Variants in SLC7A6OS observed in about 807,000 individuals in gnomAD.
The protein encoded by SLC7A6OS is probable RNA polymerase II nuclear localization protein SLC7A6OS.
In SLC7A6OS, 22 loss-of-function variants were observed where a neutral mutation model predicts 34.3. The observed-to-expected ratio is 0.64, with a 90% CI of 0.46 to 0.92. The LOEUF is 0.92. Among genes scored for constraint, SLC7A6OS ranks in the 40% least tolerant of loss-of-function variants. The probability of loss-of-function intolerance (pLI) is 0.00; values close to 1 mark genes in which losing one functional copy is unlikely to be tolerated. For missense variants in SLC7A6OS, 434 were observed against 407.7 expected (o/e 1.06, Z -0.56); for synonymous variants, 199 against 165.0 (o/e 1.21, Z -1.58).
Position 68,300,580 on chromosome 16 carries a change from A to G in SLC7A6OS, c.*695T>C, listed in dbSNP as rs1180407587. The G allele has an allele frequency of 1.0e-6, 1 of 969,800 alleles. No homozygotes were observed. Among genetic ancestry groups the G allele is most frequent in the African/African-American group, 1.8e-5 (1 of 56,922 alleles). 60.1% of individuals were successfully genotyped at this position (969,800 alleles called of 1,614,324 possible). A position where few individuals can be genotyped will look rare whatever the true frequency, so the allele number is the denominator to read the frequency against. Reference sequence around the variant, plus strand: ...TTCACTACCGCTCCCTGTTTTAGATATTCAGATTTAAAAGGTTTTCAAAGA... The same window carrying G: ...TTCACTACCGCTCCCTGTTTTAGATGTTCAGATTTAAAAGGTTTTCAAAGA... On this transcript the variant is annotated 3_prime_UTR_variant, in exon 5 of 5. Coordinates refer to ENST00000263997, the MANE Select transcript of SLC7A6OS (RefSeq NM_032178.3).
rs1175952054 is a variant in SLC7A6OS, at chr16:68,298,515, TTGG to T, written c.*2757_*2759del. 1 of 152,278 alleles carries T rather than the reference TTGG, an allele frequency of 6.6e-6. No homozygotes were observed. Among genetic ancestry groups the T allele is most frequent in the Non-Finnish European group, 1.5e-5 (1 of 68,072 alleles). 9.4% of individuals were successfully genotyped at this position (152,278 alleles called of 1,614,324 possible). The stretch of plus-strand genomic sequence containing the variant: ...GGCTTTGTTTACACTTGGAGCCACC[TTGG>T]TGTGGGTCACCGGGACAGTGTACTC... On this transcript the variant is annotated 3_prime_UTR_variant, in exon 5 of 5. Coordinates refer to ENST00000263997, the MANE Select transcript of SLC7A6OS (RefSeq NM_032178.3).
intron 2 of SLC7A6OS, 77 bp downstream of exon 2, chr16:68,310,258 C>G: frequency 6.9e-7 from 1 of 1,445,580 alleles, no homozygotes; most frequent in Non-Finnish European, 9.3e-7. Context: ...TAAGATGAAA[C>G]TGTGCTGCGA....
At chr16:68,306,015 A>C (rs997301337) in intron 2 of SLC7A6OS, among the ~76,000 whole-genome samples, 1 of 152,120 alleles carries the variant, frequency 6.6e-6, no homozygotes, top group Non-Finnish European at 1.5e-5. Flanking sequence ...TGATCATGCC[A>C]CTGCACTCCA....
At position 68,310,878 on chromosome 16, in the gene SLC7A6OS, C is replaced by T; in HGVS notation, c.49G>A (p.Ala17Thr). The change falls in exon 1 of 5, where the codon GCG becomes ACG. Residue 17 changes from alanine (A) to threonine (T), a missense_variant. Physicochemically the swap from Ala to Thr is moderately conservative, Grantham distance 58. Coordinates refer to ENST00000263997, the MANE Select transcript of SLC7A6OS (RefSeq NM_032178.3). Reference sequence around the variant, plus strand: ...AGCACAAGAGCCTCCGCCGGCTCCGCACTGCGCTTCCGCTTCACCCGGAGT... The same window carrying T: ...AGCACAAGAGCCTCCGCCGGCTCCGTACTGCGCTTCCGCTTCACCCGGAGT... The part of the protein sequence containing the change: ...AVLRVKRKRS[A>T]EPAEALVLAC... 1 of 1,607,664 alleles carries T rather than the reference C, an allele frequency of 6.2e-7. No homozygotes were observed. The highest frequency in any genetic ancestry group is 8.5e-7 in the Non-Finnish European group (1 of 1,178,110).
chr16:68,308,140 G>T (rs965195079), intron 2 of SLC7A6OS, among the ~76,000 whole-genome samples: 1 of 151,392 alleles, frequency 6.6e-6, no homozygotes, highest in African/African-American at 2.4e-5. Context: ...GACCTCAAGT[G>T]ATCCACCCGC....
rs747928841 is a variant in SLC7A6OS, at chr16:68,301,421, G to C, written c.800-16C>G. The C allele has an allele frequency of 6.2e-7, 1 of 1,609,034 alleles. No homozygotes were observed. On this transcript the variant is annotated splice_polypyrimidine_tract_variant and intron_variant, in intron 4 of 4. Transcript: ENST00000263997. ...TCAGCAGAGCCTAGAATGACATCCCGGGAGTGGATTCTAAATGTGATTTTC... is the reference window on the plus strand; with the variant it reads ...TCAGCAGAGCCTAGAATGACATCCCCGGAGTGGATTCTAAATGTGATTTTC...
intron 4 of SLC7A6OS, chr16:68,301,660 C>T (rs150145028): frequency 2.4e-5 from 7 of 294,760 alleles, no homozygotes; most frequent in African/African-American, 1.3e-4. Flanking sequence ...TTCTCCCCTC[C>T]GTATAGGATT....
chr16:68,306,122 A>T (rs1405128494), intron 2 of SLC7A6OS, among the ~76,000 whole-genome samples: 3 of 152,228 alleles, frequency 2.0e-5, no homozygotes, highest in Non-Finnish European at 4.4e-5. Context: ...AGAAGGAAAT[A>T]AACCAGTTCT....
chr16:68,305,532 C>G (rs2043320507), intron 2 of SLC7A6OS, among the ~76,000 whole-genome samples: 1 of 152,078 alleles, frequency 6.6e-6, no homozygotes, highest in African/African-American at 2.4e-5. Flanking sequence ...GGACACTGCA[C>G]AGCTCCAAGC....
chr16:68,300,616 T>C lies in SLC7A6OS; in HGVS notation c.*659A>G, dbSNP rs931461700. The C allele has an allele frequency of 1.5e-5, 15 of 985,192 alleles. No individual in the cohort carries two copies. Among genetic ancestry groups the C allele is most frequent in the Non-Finnish European group, 1.8e-5 (15 of 829,804 alleles). The allele number at this position is 985,192 out of a possible 1,614,324, so 61.0% of individuals were successfully genotyped here. ...AAAGGTTTTCAAAGAATTACTTTCT[T>C]CCATGTTCAAAGCTAGATTTTACTA... On this transcript the variant is annotated 3_prime_UTR_variant, in exon 5 of 5. Coordinates refer to ENST00000263997, the MANE Select transcript of SLC7A6OS (RefSeq NM_032178.3).
Position 68,310,353 on chromosome 16 carries a change from G to A in SLC7A6OS, c.453C>T (p.Ala151=), listed in dbSNP as rs778923037. The change falls in exon 2 of 5, where the codon GCC becomes GCT. Residue 151 remains alanine (A), a synonymous_variant. Transcript: ENST00000263997. ...TACTCACTTTGCAGGAGCCTGCAGAGGCGGCTTCAGGTTCTCCCTCCTCGT... is the reference window on the plus strand; with the variant it reads ...TACTCACTTTGCAGGAGCCTGCAGAAGCGGCTTCAGGTTCTCCCTCCTCGT... ...LVHEEGEPEA[A]SAGSCKTSDP... 2.0e-5 allele frequency: 32 copies of A among 1,606,184 alleles called. No homozygotes were observed. In the Admixed American group the frequency reaches 3.3e-4, roughly 17 times the overall value.
intron 2 of SLC7A6OS, among the ~76,000 whole-genome samples, chr16:68,307,738 T>A (rs1388958012): frequency 6.6e-6 from 1 of 152,230 alleles, no homozygotes; most frequent in African/African-American, 2.4e-5. Flanking sequence ...CTAGTATGCA[T>A]AAAACCTCAA....
intron 2 of SLC7A6OS, among the ~76,000 whole-genome samples, chr16:68,310,133 T>A (rs910720035): frequency 1.3e-5 from 2 of 151,894 alleles, no homozygotes; most frequent in African/African-American, 4.9e-5. Context: ...CACTGCTGTA[T>A]CCACAGAATC....
In SLC7A6OS at chr16:68,310,795, C is replaced by G. The variant is rs750562529; in HGVS notation, c.132G>C (p.Glu44Asp). 3 of 1,613,864 alleles carry G rather than the reference C, an allele frequency of 1.9e-6. No individual in the cohort carries two copies. The Admixed American group carries it at 5.0e-5, about 27-fold the overall frequency. ...AVESAAQKTS[E>D]GLERAAENNV... ...TATTCTCCGCCGCTCTCTCCAAACC[C>G]TCCGACGTCTTCTGTGCCGCTGACT... The change falls in exon 1 of 5, where the codon GAG becomes GAC. Residue 44 changes from glutamate to aspartate, a missense_variant. Transcript: ENST00000263997.
In SLC7A6OS at chr16:68,301,420, C is replaced by T. The variant is rs200823865; in HGVS notation, c.800-15G>A. On this transcript the variant is annotated splice_polypyrimidine_tract_variant and intron_variant, in intron 4 of 4. Transcript: ENST00000263997. ...GTCAGCAGAGCCTAGAATGACATCC[C>T]GGGAGTGGATTCTAAATGTGATTTT... 18 of 1,609,208 alleles carry T rather than the reference C, an allele frequency of 1.1e-5. No individual in the cohort carries two copies. In the East Asian group the frequency reaches 1.3e-4, roughly 12 times the overall value.
At chr16:68,302,754 T>C (rs2043294377) in intron 3 of SLC7A6OS, among the ~76,000 whole-genome samples, 2 of 151,606 alleles carry the variant, frequency 1.3e-5, no homozygotes, top group African/African-American at 4.9e-5. Context: ...AAAAGAGGAG[T>C]GATGGCTCTG....
chr16:68,308,965 T>C (rs2043346694), intron 2 of SLC7A6OS, among the ~76,000 whole-genome samples: 2 of 151,496 alleles, frequency 1.3e-5, no homozygotes, highest in Admixed American at 6.6e-5. Flanking sequence ...GGTAGGAGAA[T>C]TGCTTGAACC....
intron 3 of SLC7A6OS, chr16:68,303,747 C>T: frequency 2.6e-6 from 1 of 381,148 alleles, no homozygotes; most frequent in South Asian, 4.2e-5. Context: ...TACATATTTC[C>T]CCCCTAAGAA....
rs752909029 is a variant in SLC7A6OS, at chr16:68,310,514, G to T, written c.292C>A (p.Arg98=). Residue 98 remains arginine, a synonymous_variant, in exon 2 of 5, where the codon CGG becomes AGG. Coordinates refer to ENST00000263997, the MANE Select transcript of SLC7A6OS (RefSeq NM_032178.3). ...RNLRASAREV[R]QEGRYRVLSS... ...AGCACCCGGTAGCGGCCCTCCTGCC[G>T]GACCTCCCGAGCCGAGGCGCGGAGA... is the stretch of plus-strand genomic sequence containing the variant. The T allele has an allele frequency of 2.5e-6, 4 of 1,582,848 alleles. No individual in the cohort carries two copies. The highest frequency in any genetic ancestry group is 2.3e-5 in the East Asian group (1 of 42,896).
Sources: allele counts gnomAD v4.1 joint callset (sites outside exome capture counted in the v4.1 genomes callset), GRCh38; gene constraint gnomAD v4.1.1; transcripts MANE v1.5; gene names NCBI Gene and HGNC (gene_info 2026-07-23, HGNC 2026-07-21).